The following SNX27 variants were observed in gnomAD, a reference collection of about 807,000 sequenced individuals.
The protein encoded by SNX27 is sorting nexin 27, also known as sorting nexin-27.
Under a neutral mutation model 71.6 loss-of-function variants are expected in SNX27, and 22 were observed. That is an observed-to-expected ratio of 0.31 (90% CI 0.22 to 0.44). SNX27 has a LOEUF of 0.44. Among genes scored for constraint, SNX27 ranks in the 20% least tolerant of loss-of-function variants. SNX27 has a pLI of 1.00. For synonymous variants in SNX27, 269 were observed against 277.2 expected, an observed-to-expected ratio of 0.97 and a Z score of 0.29; for missense variants, 531 against 698.6, an observed-to-expected ratio of 0.76 and a Z score of 2.70.
At chr1:151,691,750 G>A (rs890685266) in intron 8 of SNX27, among the ~76,000 whole-genome samples, 4 of 152,024 alleles carry the variant, frequency 2.6e-5, no homozygotes, top group South Asian at 2.1e-4. Flanking sequence ...TCCTGACCTC[G>A]TGATCCACCC....
chr1:151,625,220 G>C (rs1891590), intron 1 of SNX27, among the ~76,000 whole-genome samples: 3,074 of 152,182 alleles, frequency 0.02, 106 homozygotes, highest in African/African-American at 0.069. Context: ...AAAAATACTG[G>C]TGTAGGCCAG....
At chr1:151,692,401 C>T in intron 8 of SNX27, 34 bp from the exon 9 acceptor site, 7 of 1,457,662 alleles carry the variant, frequency 4.8e-6, no homozygotes, top group South Asian at 2.7e-5. Context: ...TCCTGTTTCT[C>T]CTTCCTTTTT....
rs1671644585 is a variant in SNX27, at chr1:151,695,161, TC to T, written c.*745del. 1 of 152,574 alleles carries T rather than the reference TC, an allele frequency of 6.6e-6. No homozygotes were observed. Among genetic ancestry groups the T allele is most frequent in the African/African-American group, 2.4e-5 (1 of 41,426 alleles). The allele number at this position is 152,574 out of a possible 1,614,324, so 9.5% of individuals were successfully genotyped here. A position where few individuals can be genotyped will look rare whatever the true frequency, so the allele number is the denominator to read the frequency against. On this transcript the variant is annotated 3_prime_UTR_variant, in exon 12 of 12. Coordinates refer to ENST00000458013, the MANE Select transcript of SNX27 (RefSeq NM_001330723.2). ...GCTGGGGAGGAGAAAGAGGTGTGTT[TC>T]TCAAGGTTAACAGGCTGTAGTTCTG... is the stretch of plus-strand genomic sequence containing the variant.
chr1:151,637,162 GTTTTTTTGTTT>G (rs1436253136), intron 1 of SNX27, among the ~76,000 whole-genome samples: 1 of 37,308 alleles, frequency 2.7e-5, no homozygotes, highest in Non-Finnish European at 9.5e-5. Context: ...CGTTTTTTTT[GTTTTTTTGTTT>G]TTTTTTTTTG....
chr1:151,651,458 G>A (rs562865969), intron 2 of SNX27, among the ~76,000 whole-genome samples: 4 of 151,576 alleles, frequency 2.6e-5, no homozygotes, highest in East Asian at 2.0e-4. Flanking sequence ...GGCGGCTGCC[G>A]GGCAGAGGGG....
rs879141599 is a variant in SNX27 at position 151,696,668 on chromosome 1, T to TTGC, written c.*2252_*2253insGCT. ...TTTTTTCTGTTTTTTTTTTTTTTTTTTCCCAGAGTCTTGCTCTGTCGCCCA... is the reference window on the plus strand; with the variant it reads ...TTTTTTCTGTTTTTTTTTTTTTTTTTTGCTCCCAGAGTCTTGCTCTGTCGCCCA... On this transcript the variant is annotated 3_prime_UTR_variant, in exon 12 of 12. Transcript: ENST00000458013. The TTGC allele has an allele frequency of 7.6e-6, 1 of 131,868 alleles. No homozygotes were observed. Among genetic ancestry groups the TTGC allele is most frequent in the African/African-American group, 3.0e-5 (1 of 33,846 alleles). The allele number at this position is 131,868 out of a possible 1,614,324, so 8.2% of individuals were successfully genotyped here.
At chr1:151,688,797 A>G (rs1671308269) in intron 8 of SNX27, among the ~76,000 whole-genome samples, 1 of 152,136 alleles carries the variant, frequency 6.6e-6, no homozygotes, top group African/African-American at 2.4e-5. Context: ...GGTAGTAAGC[A>G]TGATACTACC....
intron 1 of SNX27, chr1:151,615,590 A>ACTT: frequency 9.8e-6 from 5 of 510,172 alleles, no homozygotes; most frequent in Non-Finnish European, 1.3e-5. Context: ...GTCCCAGGAA[A>ACTT]GCTTTGCATG....
chr1:151,623,957 A>ATTT (rs1553255629), intron 1 of SNX27, among the ~76,000 whole-genome samples: 2 of 151,972 alleles, frequency 1.3e-5, no homozygotes, highest in East Asian at 3.9e-4. Context: ...ATTTTTTAAA[A>ATTT]ATTTATTTAT....
At chr1:151,647,579 T>G (rs1669105832) in intron 2 of SNX27, among the ~76,000 whole-genome samples, 2 of 121,102 alleles carry the variant, frequency 1.7e-5, no homozygotes, top group African/African-American at 3.2e-5. Flanking sequence ...CATATCTTAC[T>G]GTATGACTGT....
chr1:151,652,495 G>A (rs1040054308), intron 2 of SNX27, among the ~76,000 whole-genome samples: 1 of 135,142 alleles, frequency 7.4e-6, no homozygotes, highest in African/African-American at 2.8e-5. Context: ...TGCAACCTCC[G>A]CCTCCCAAGT....
chr1:151,639,290 G>C (rs945803431), intron 2 of SNX27, among the ~76,000 whole-genome samples, 171 bp downstream of exon 2: 2 of 152,132 alleles, frequency 1.3e-5, no homozygotes, highest in Admixed American at 6.6e-5. Context: ...TATTGCAGGG[G>C]GTGAATTACA....
intron 1 of SNX27, among the ~76,000 whole-genome samples, chr1:151,634,366 T>C (rs1249925843): frequency 6.6e-6 from 1 of 152,242 alleles, no homozygotes; most frequent in African/African-American, 2.4e-5. Flanking sequence ...CTGTGGTATA[T>C]ATAGTGATTG....
intron 1 of SNX27, among the ~76,000 whole-genome samples, chr1:151,628,122 G>A (rs1360525576): frequency 1.3e-5 from 2 of 150,380 alleles, no homozygotes; most frequent in Non-Finnish European, 3.0e-5. Flanking sequence ...TTCTCCTGCC[G>A]CAGCCTCTTG....
At chr1:151,629,435 G>A (rs891913497) in intron 1 of SNX27, 2 of 144,214 alleles carry the variant, frequency 1.4e-5, no homozygotes, top group African/African-American at 2.6e-5. Flanking sequence ...ATATATACAC[G>A]CACATATATA....
At chr1:151,645,771 T>G (rs777047319) in intron 2 of SNX27, among the ~76,000 whole-genome samples, 2 of 152,364 alleles carry the variant, frequency 1.3e-5, no homozygotes, top group African/African-American at 2.4e-5. Flanking sequence ...TTGTAACTTA[T>G]GCCCACAAGC....
At chr1:151,632,209 G>A (rs1296682560) in intron 1 of SNX27, among the ~76,000 whole-genome samples, 1 of 151,906 alleles carries the variant, frequency 6.6e-6, no homozygotes, top group East Asian at 1.9e-4. Context: ...CCAGGCTGGA[G>A]TGCAGTGGTG....
chr1:151,660,793 T>A lies in SNX27; in HGVS notation c.737-5T>A. 1 of 1,609,088 alleles carries A rather than the reference T, an allele frequency of 6.2e-7. No individual in the cohort carries two copies. The highest frequency in any genetic ancestry group is 8.5e-7 in the Non-Finnish European group (1 of 1,175,550). The stretch of plus-strand genomic sequence containing the variant: ...TATGCCAGATTTTATCTTTATTTTC[T>A]ACAGTGTGTTCAATACGAGTAATTG... On this transcript the variant is annotated splice_region_variant and splice_polypyrimidine_tract_variant and intron_variant, in intron 3 of 11. Coordinates refer to ENST00000458013, the MANE Select transcript of SNX27 (RefSeq NM_001330723.2).
intron 2 of SNX27, among the ~76,000 whole-genome samples, chr1:151,643,205 C>G (rs1668859099): frequency 6.6e-6 from 1 of 151,878 alleles, no homozygotes; most frequent in African/African-American, 2.4e-5. Context: ...CTCAAGTGAT[C>G]CGCCCGCCTC....
Sources: gnomAD v4.1 joint callset for allele counts (sites outside exome capture counted in the v4.1 genomes callset) on GRCh38, gnomAD v4.1.1 for gene constraint, MANE v1.5 for transcripts, NCBI Gene and HGNC (gene_info 2026-07-23, HGNC 2026-07-21) for gene names.